The following LARP4B variants were observed in gnomAD, a reference collection of about 807,000 sequenced individuals.
LARP4B encodes the protein La ribonucleoprotein 4B.
Under a neutral mutation model 89.8 loss-of-function variants are expected in LARP4B, and 12 were observed. The ratio of observed to expected loss-of-function variants is 0.13; its 90% CI spans 0.09 to 0.22. The LOEUF (loss-of-function observed/expected upper bound fraction) is 0.22, where lower values mean the gene tolerates loss of function less well. Among genes scored for constraint, LARP4B ranks in the 10% least tolerant of loss-of-function variants. The pLI is 1.00. For missense variants in LARP4B, 757 were observed against 947.7 expected (o/e 0.80, Z 2.64); for synonymous variants, 367 against 363.3 (o/e 1.01, Z -0.12).
At chr10:834,410 A>G (rs1833086963) in intron 8 of LARP4B, among the ~76,000 whole-genome samples, 1 of 152,216 alleles carries the variant, frequency 6.6e-6, no homozygotes, top group Non-Finnish European at 1.5e-5. Context: ...TATTTTTAAG[A>G]AAATCAGAAT....
chr10:832,173 A>G (rs1450050119), intron 8 of LARP4B, among the ~76,000 whole-genome samples: 3 of 151,936 alleles, frequency 2.0e-5, no homozygotes, highest in Non-Finnish European at 4.4e-5. Flanking sequence ...CCTCCCAAGT[A>G]GCTGGGACTA....
the LARP4B span, among the ~76,000 whole-genome samples, chr10:961,413 G>GGT: frequency 6.6e-6 from 1 of 150,630 alleles, no homozygotes; most frequent in South Asian, 2.1e-4. Flanking sequence ...ATCTGCTTCT[G>GGT]GTGAGGCCTC....
At chr10:911,506 T>C (rs979084316) in intron 1 of LARP4B, among the ~76,000 whole-genome samples, 1 of 152,198 alleles carries the variant, frequency 6.6e-6, no homozygotes, top group African/African-American at 2.4e-5. Context: ...CAAAACTTAA[T>C]TTGCCTGTCA....
At chr10:928,206 G>C (rs576902019) in intron 1 of LARP4B, among the ~76,000 whole-genome samples, 58 of 149,650 alleles carry the variant, frequency 3.9e-4, no homozygotes, top group African/African-American at 1.4e-3. Context: ...TGGGCGACAA[G>C]AGTGAAAGTC....
the LARP4B span, among the ~76,000 whole-genome samples, chr10:970,609 T>A: frequency 6.6e-6 from 1 of 152,204 alleles, no homozygotes; most frequent in Non-Finnish European, 1.5e-5. Context: ...TATTTTACTC[T>A]GGATCCTCGA....
downstream of LARP4B, chr10:808,722 AGCGT>A (rs1831632445): frequency 7.3e-6 from 1 of 137,248 alleles, no homozygotes; most frequent in African/African-American, 3.1e-5. Context: ...CTGGATTAAA[AGCGT>A]GTGTGTGTGT....
chr10:865,043 C>T (rs10508208), intron 3 of LARP4B, among the ~76,000 whole-genome samples: 24,222 of 152,188 alleles, frequency 0.16, 2,092 homozygotes, highest in Non-Finnish European at 0.19. Context: ...GGTGTTCTAA[C>T]AGGTCTGTCA....
At chr10:851,420 G>A (rs186699877) in intron 5 of LARP4B, among the ~76,000 whole-genome samples, 53 of 152,194 alleles carry the variant, frequency 3.5e-4, no homozygotes, top group African/African-American at 1.0e-3. Context: ...TTGACCTCAC[G>A]TGATCTGCCC....
chr10:860,135 A>C, intron 5 of LARP4B, among the ~76,000 whole-genome samples: 1 of 62,808 alleles, frequency 1.6e-5, no homozygotes, highest in Non-Finnish European at 3.2e-5. Context: ...GGTGGGGGGG[A>C]GGGGAGTATA....
In LARP4B at chr10:814,865, C is replaced by A. The variant is rs762498958; in HGVS notation, c.1821-15G>T. On this transcript the variant is annotated splice_polypyrimidine_tract_variant and intron_variant, in intron 16 of 17. Transcript: ENST00000316157. The surrounding 1 kb of genome is among the most constrained non-coding windows in gnomAD (Gnocchi z 4.4). Reference sequence around the variant, plus strand: ...CCTTGGGATCACTGTAAAAATGCCACCCGATATTTGAATCTCATGCAACAT... The same window carrying A: ...CCTTGGGATCACTGTAAAAATGCCAACCGATATTTGAATCTCATGCAACAT... The A allele has an allele frequency of 6.3e-7, 1 of 1,583,604 alleles. No homozygotes were observed. The highest frequency in any genetic ancestry group is 2.3e-5 in the East Asian group (1 of 44,316).
rs546144280 is a variant in LARP4B, at chr10:915,692, TACTCAGGAGGCTGAGGCAAGAGAATAGCG to T, written c.-40+15707_-40+15735del. Among the ~76,000 whole-genome samples the T allele has an allele frequency of 8.4e-3, 1,274 of 151,822 alleles. 19 individuals carry two copies. Among genetic ancestry groups the T allele is most frequent in the African/African-American group, 0.029 (1,183 of 41,366 alleles). On this transcript the variant is annotated intron_variant, in intron 1 of 17. Coordinates refer to ENST00000316157, the MANE Select transcript of LARP4B (RefSeq NM_015155.3). ...GGTGGTGGGCGCCTGTAGTCCCAGCTACTCAGGAGGCTGAGGCAAGAGAATAGCGACTCAGGAGGCTGAGGCAGGAGAAT... is the reference window on the plus strand; with the variant it reads ...GGTGGTGGGCGCCTGTAGTCCCAGCTACTCAGGAGGCTGAGGCAGGAGAAT...
intron 1 of LARP4B, among the ~76,000 whole-genome samples, chr10:923,022 C>T (rs951670034): frequency 6.6e-6 from 1 of 151,894 alleles, no homozygotes; most frequent in Admixed American, 6.6e-5. Context: ...TTCCAGTGAG[C>T]GGAGACTGTG....
intron 3 of LARP4B, among the ~76,000 whole-genome samples, chr10:865,993 T>C (rs1248532099): frequency 1.3e-5 from 2 of 152,112 alleles, no homozygotes; most frequent in Non-Finnish European, 2.9e-5. Context: ...AAATAAACGA[T>C]GGGTGCATTA....
At position 811,001 on chromosome 10, in the gene LARP4B, A is replaced by G. The variant is rs1831727113; in HGVS notation, c.*1925T>C. 6.6e-6 allele frequency: 1 copy of G among 152,244 alleles called. No individual in the cohort carries two copies. The highest frequency in any genetic ancestry group is 2.1e-4 in the South Asian group (1 of 4,834). 9.4% of individuals were successfully genotyped at this position (152,244 alleles called of 1,614,324 possible). On this transcript the variant is annotated 3_prime_UTR_variant, in exon 18 of 18. Transcript: ENST00000316157. ...TTAAATTAGATTACTAGTCACCTTC[A>G]CTTACGATCCTGCCAGTTTTTGCTC...
chr10:914,656 A>G (rs191272589), intron 1 of LARP4B, among the ~76,000 whole-genome samples: 1,775 of 151,764 alleles, frequency 0.012, 31 homozygotes, highest in African/African-American at 0.04. Flanking sequence ...TTAGCTGGGC[A>G]TGGTGGCGCA....
intron 1 of LARP4B, among the ~76,000 whole-genome samples, chr10:909,173 A>G (rs866108201): frequency 1.3e-5 from 2 of 151,942 alleles, no homozygotes; most frequent in South Asian, 2.1e-4. Flanking sequence ...GGGCACTTGT[A>G]GTCCCAGCTA....
intron 1 of LARP4B, among the ~76,000 whole-genome samples, chr10:927,977 C>T (rs1253452664): frequency 6.6e-6 from 1 of 152,060 alleles, no homozygotes; most frequent in Non-Finnish European, 1.5e-5. Context: ...CTTTGGGAGG[C>T]CGAGGCGGGC....
At chr10:944,400 G>C in the LARP4B span, among the ~76,000 whole-genome samples, 1 of 152,174 alleles carries the variant, frequency 6.6e-6, no homozygotes, top group Non-Finnish European at 1.5e-5. Flanking sequence ...AGAAGAGGTT[G>C]GAGGGGGGAT....
At position 811,719 on chromosome 10, in the gene LARP4B, G is replaced by C. The variant is rs1248942551; in HGVS notation, c.*1207C>G. The stretch of plus-strand genomic sequence containing the variant: ...GTTAAATAACATTTTGTGGAATAAA[G>C]TGTATGGTTACATTTAGCAGGAAAT... On this transcript the variant is annotated 3_prime_UTR_variant, in exon 18 of 18. Coordinates refer to ENST00000316157, the MANE Select transcript of LARP4B (RefSeq NM_015155.3). 1 of 152,550 alleles carries C rather than the reference G, an allele frequency of 6.6e-6. No individual in the cohort carries two copies. The highest frequency in any genetic ancestry group is 6.5e-5 in the Admixed American group (1 of 15,274). 9.4% of individuals were successfully genotyped at this position (152,550 alleles called of 1,614,324 possible). A position where few individuals can be genotyped will look rare whatever the true frequency, so the allele number is the denominator to read the frequency against.
Sources: allele counts gnomAD v4.1 joint callset (sites outside exome capture counted in the v4.1 genomes callset), GRCh38; gene constraint gnomAD v4.1.1; non-coding constraint Gnocchi (gnomAD v3.1); transcripts MANE v1.5; gene names NCBI Gene and HGNC (gene_info 2026-07-23, HGNC 2026-07-21).